GRIA3: variants seen among roughly 807,000 people sequenced by gnomAD.
GRIA3 encodes glutamate receptor 3.
Under a neutral mutation model 63.0 loss-of-function variants are expected in GRIA3, and 3 were observed. The observed-to-expected ratio is 0.05, with a 90% confidence interval of 0.02 to 0.12. GRIA3 has a LOEUF of 0.12. GRIA3 is among the 10% of genes least tolerant of loss of function. The probability of loss-of-function intolerance (pLI) is 1.00; values close to 1 mark genes in which losing one functional copy is unlikely to be tolerated. For missense variants in GRIA3, 347 were observed against 700.9 expected (o/e 0.50, Z 5.70); for synonymous variants, 274 against 257.9 (o/e 1.06, Z -0.60).
At chrX:123,366,256 T>A (rs1435025018) in intron 5 of GRIA3, among the ~76,000 whole-genome samples, 1 of 111,487 alleles carries the variant, frequency 9.0e-6, no homozygotes, top group African/African-American at 3.3e-5. Context: ...AGCCTTATTT[T>A]ACCCAGCCCC....
intron 5 of GRIA3, among the ~76,000 whole-genome samples, chrX:123,362,815 A>G (rs2045185566): frequency 9.0e-6 from 1 of 111,258 alleles, no homozygotes; most frequent in Middle Eastern, 4.2e-3. Flanking sequence ...CATACAAATA[A>G]CCCCCACTGA....
intron 4 of GRIA3, among the ~76,000 whole-genome samples, chrX:123,335,978 G>A (rs1363662862): frequency 8.9e-6 from 1 of 111,810 alleles, no homozygotes; most frequent in African/African-American, 3.2e-5. Context: ...CAGATTAAGA[G>A]CAACAAAAAT....
At chrX:123,459,456 T>C (rs1031380295) in intron 12 of GRIA3, among the ~76,000 whole-genome samples, 16 of 112,062 alleles carry the variant, frequency 1.4e-4, no homozygotes, top group African/African-American at 4.9e-4. Flanking sequence ...ACCTTCATGA[T>C]GTATTACGAA....
intron 2 of GRIA3, among the ~76,000 whole-genome samples, chrX:123,245,403 G>A (rs148562843): frequency 8.9e-6 from 1 of 111,765 alleles, no homozygotes; most frequent in East Asian, 2.8e-4. Context: ...CCACATGGAG[G>A]TAGTGAGATT....
chrX:123,379,620 GTTTT>G (rs369507360), intron 5 of GRIA3, among the ~76,000 whole-genome samples: 1 of 68,014 alleles, frequency 1.5e-5, no homozygotes, highest in African/African-American at 5.7e-5. Context: ...CTAGCAACTT[GTTTT>G]TTTTTTTTTT....
intron 11 of GRIA3, among the ~76,000 whole-genome samples, chrX:123,422,571 C>T (rs1156672380): frequency 1.8e-5 from 2 of 111,839 alleles, no homozygotes. Context: ...TGGTTAAGCA[C>T]GTGGGCACTG....
At chrX:123,213,020 G>T (rs766767269) in intron 2 of GRIA3, among the ~76,000 whole-genome samples, 2 of 111,605 alleles carry the variant, frequency 1.8e-5, no homozygotes, top group South Asian at 3.8e-4. Flanking sequence ...CAGATCAGTG[G>T]TGCCATTAGA....
intron 2 of GRIA3, among the ~76,000 whole-genome samples, chrX:123,250,147 T>G (rs2044381352): frequency 9.0e-6 from 1 of 110,777 alleles, no homozygotes; most frequent in African/African-American, 3.3e-5. Context: ...CAGGGAGGAG[T>G]GTTATCAATA....
chrX:123,218,715 C>T (rs149873023), intron 2 of GRIA3, among the ~76,000 whole-genome samples: 1,812 of 111,596 alleles, frequency 0.016, 33 homozygotes, highest in African/African-American at 0.055. Context: ...CCAAGCTTGT[C>T]TTTGGGTTCC....
intron 2 of GRIA3, among the ~76,000 whole-genome samples, chrX:123,234,301 A>C (rs1405327105): frequency 9.0e-6 from 1 of 111,379 alleles, no homozygotes; most frequent in Admixed American, 9.5e-5. Flanking sequence ...CATCCCTTCC[A>C]CACACAGCAA....
At chrX:123,484,573 C>T (rs996758553) in intron 15 of GRIA3, among the ~76,000 whole-genome samples, 10 of 111,825 alleles carry the variant, frequency 8.9e-5, no homozygotes, top group African/African-American at 3.3e-4. Context: ...CTCCACATCC[C>T]GGGTTCAAGC....
At chrX:123,202,231 G>A (rs888282474) in intron 2 of GRIA3, among the ~76,000 whole-genome samples, 56 of 112,229 alleles carry the variant, frequency 5.0e-4, no homozygotes, top group African/African-American at 1.6e-3. Flanking sequence ...GTAAATATAT[G>A]TGTTGGATAC....
chrX:123,447,637 T>G (rs192245951), intron 12 of GRIA3, among the ~76,000 whole-genome samples: 1 of 112,504 alleles, frequency 8.9e-6, no homozygotes, highest in Admixed American at 9.4e-5. Context: ...TTATTTTTTG[T>G]TTTCTAATGG....
intron 4 of GRIA3, among the ~76,000 whole-genome samples, chrX:123,347,777 A>G (rs1270297116): frequency 1.8e-5 from 2 of 112,608 alleles, no homozygotes; most frequent in Non-Finnish European, 3.7e-5. Flanking sequence ...TTTCTAGTAC[A>G]TCACCTTTAA....
rs1336689349 is a variant in GRIA3, at chrX:123,463,628, GAAAGAAA to G, written c.2077-1236_2077-1230del. ...GGAGGGAGGGAAAGAAAGAAAGAAA[GAAAGAAA>G]GAAAGAAAGAAAGAAAGAAAGAAAG... On this transcript the variant is annotated intron_variant, in intron 12 of 15. Transcript: ENST00000620443. 9.0e-5 allele frequency among the ~76,000 whole-genome samples: 3 copies of G among 33,218 alleles called. 1 individual carries two copies. The highest frequency in any genetic ancestry group is 5.4e-4 in the African/African-American group (3 of 5,512). 28.8% of individuals were successfully genotyped at this position (33,218 alleles called of 115,157 possible).
At chrX:123,313,296 G>A (rs909720437) in intron 3 of GRIA3, among the ~76,000 whole-genome samples, 1 of 111,447 alleles carries the variant, frequency 9.0e-6, no homozygotes, top group Non-Finnish European at 1.9e-5. Context: ...TTAAACCACA[G>A]TATTAAGTCA....
chrX:123,435,458 T>C (rs955883161), intron 12 of GRIA3, among the ~76,000 whole-genome samples: 4 of 112,271 alleles, frequency 3.6e-5, no homozygotes, highest in African/African-American at 6.5e-5. Context: ...TTGCTGAATG[T>C]CACTCAGCTC....
At chrX:123,291,688 T>C (rs997258738) in intron 3 of GRIA3, among the ~76,000 whole-genome samples, 1 of 111,445 alleles carries the variant, frequency 9.0e-6, no homozygotes, top group African/African-American at 3.3e-5. Flanking sequence ...TTCACCTATA[T>C]GCTTGTTTCC....
chrX:123,425,327 A>T (rs972636810), intron 11 of GRIA3, among the ~76,000 whole-genome samples: 2 of 111,738 alleles, frequency 1.8e-5, no homozygotes, highest in Admixed American at 1.9e-4. Flanking sequence ...CTGTTTGCTT[A>T]TCTTTAAAAT....
Sources: allele counts gnomAD v4.1 joint callset (sites outside exome capture counted in the v4.1 genomes callset), GRCh38; gene constraint gnomAD v4.1.1; transcripts MANE v1.5; gene names NCBI Gene and HGNC (gene_info 2026-07-23, HGNC 2026-07-21).